The following CACNA2D3 variants were observed in gnomAD, a reference collection of about 807,000 sequenced individuals.
The protein encoded by CACNA2D3 is voltage-dependent calcium channel subunit alpha-2/delta-3.
In CACNA2D3, 60 loss-of-function variants were observed where a neutral mutation model predicts 160.6. That is an observed-to-expected ratio of 0.37 (90% CI 0.30 to 0.46). The LOEUF is 0.46. Among genes scored for constraint, CACNA2D3 ranks in the 20% least tolerant of loss-of-function variants. The pLI, the probability that CACNA2D3 is intolerant of heterozygous loss-of-function variation, is 1.00. For synonymous variants in CACNA2D3, 558 were observed against 492.9 expected, an observed-to-expected ratio of 1.13 and a Z score of -1.75; for missense variants, 1,205 against 1,365.0, an observed-to-expected ratio of 0.88 and a Z score of 1.85.
intron 34 of CACNA2D3, among the ~76,000 whole-genome samples, chr3:55,012,280 C>T (rs1009989431): frequency 5.9e-5 from 9 of 151,900 alleles, no homozygotes; most frequent in South Asian, 2.1e-4. Context: ...GGTGGGTGGG[C>T]GCTCATGCTT....
intron 35 of CACNA2D3, among the ~76,000 whole-genome samples, chr3:55,067,520 T>G (rs1439716300): frequency 6.6e-6 from 1 of 152,232 alleles, no homozygotes; most frequent in African/African-American, 2.4e-5. Context: ...AAAATGGGCT[T>G]GACCCTCACA....
rs1254234186 is a variant in CACNA2D3 at position 54,379,533 on chromosome 3, T to C, written c.322-7182T>C. On this transcript the variant is annotated intron_variant, in intron 3 of 37. Coordinates refer to ENST00000474759, the MANE Select transcript of CACNA2D3 (RefSeq NM_018398.3). ...GGGAAAGGTGTGTTGGCTTTCTTCT[T>C]GTCTAATTGTGTCCATTTCTGCAGG... is the stretch of plus-strand genomic sequence containing the variant. Among the ~76,000 whole-genome samples, 4 of 152,248 alleles carry C rather than the reference T, an allele frequency of 2.6e-5. No homozygotes were observed. The East Asian group carries it at 5.8e-4, about 22-fold the overall frequency.
chr3:54,493,060 CTTTTTTTTTTTTTTTTTTTT>C (rs34225864), intron 4 of CACNA2D3, among the ~76,000 whole-genome samples: 12 of 58,774 alleles, frequency 2.0e-4, no homozygotes, highest in Admixed American at 6.2e-4. Context: ...TTGCTCAAAA[CTTTTTTTTTTTTTTTTTTTT>C]TTTTTTTTTT....
intron 2 of CACNA2D3, among the ~76,000 whole-genome samples, chr3:54,266,072 G>A (rs1427903001): frequency 1.3e-5 from 2 of 152,148 alleles, no homozygotes; most frequent in African/African-American, 2.4e-5. Context: ...ACATTTAAAA[G>A]CAGTGGAAAA....
At chr3:54,817,256 T>C (rs991681663) in intron 14 of CACNA2D3, among the ~76,000 whole-genome samples, 1 of 152,244 alleles carries the variant, frequency 6.6e-6, no homozygotes, top group Non-Finnish European at 1.5e-5. Context: ...TAACCAAGTT[T>C]AAATTTGGGG....
At chr3:54,449,103 T>C (rs1700264871) in intron 4 of CACNA2D3, among the ~76,000 whole-genome samples, 1 of 152,222 alleles carries the variant, frequency 6.6e-6, no homozygotes, top group Admixed American at 6.5e-5. Flanking sequence ...TCTCCAGTTC[T>C]GTAGGTTAGG....
intron 13 of CACNA2D3, among the ~76,000 whole-genome samples, chr3:54,788,334 C>T (rs1702680275): frequency 6.6e-6 from 1 of 152,072 alleles, no homozygotes; most frequent in South Asian, 2.1e-4. Context: ...TCTAATATTC[C>T]TTGCCTGATT....
At chr3:54,384,587 G>A (rs922031009) in intron 3 of CACNA2D3, among the ~76,000 whole-genome samples, 2 of 152,156 alleles carry the variant, frequency 1.3e-5, no homozygotes, top group African/African-American at 4.8e-5. Context: ...AACGCTTGGG[G>A]CCCACTTACC....
At chr3:54,196,828 G>A (rs1181972150) in intron 2 of CACNA2D3, among the ~76,000 whole-genome samples, 1 of 152,148 alleles carries the variant, frequency 6.6e-6, no homozygotes, top group African/African-American at 2.4e-5. Context: ...ATGCAGTTCT[G>A]CTGCCCTGCA....
intron 2 of CACNA2D3, among the ~76,000 whole-genome samples, chr3:54,224,001 A>T (rs1377318440): frequency 3.3e-5 from 5 of 151,948 alleles, no homozygotes; most frequent in African/African-American, 1.2e-4. Context: ...TGTAAAAAAT[A>T]TTTTCCTTTT....
At chr3:54,950,006 A>T (rs1039515313) in intron 27 of CACNA2D3, among the ~76,000 whole-genome samples, 3 of 152,186 alleles carry the variant, frequency 2.0e-5, no homozygotes, top group Non-Finnish European at 4.4e-5. Context: ...GGAAAAGAAA[A>T]AGATTCGTCT....
intron 8 of CACNA2D3, among the ~76,000 whole-genome samples, chr3:54,571,249 G>C (rs1284197021): frequency 6.6e-6 from 1 of 152,078 alleles, no homozygotes; most frequent in Non-Finnish European, 1.5e-5. Context: ...AAGCCTTCAC[G>C]TCCTAGGCTT....
chr3:55,003,605 A>G (rs758436567), intron 31 of CACNA2D3, among the ~76,000 whole-genome samples: 3 of 152,168 alleles, frequency 2.0e-5, no homozygotes, highest in East Asian at 1.9e-4. Context: ...AGGGGGAAAT[A>G]TGGCTACTTG....
At chr3:54,182,522 CTT>C (rs908706931) in intron 2 of CACNA2D3, among the ~76,000 whole-genome samples, 4 of 152,180 alleles carry the variant, frequency 2.6e-5, no homozygotes, top group African/African-American at 9.7e-5. Context: ...GTTGGTAAAA[CTT>C]TGATTCCCAT....
Position 54,642,233 on chromosome 3 carries a change from G to A in CACNA2D3, c.1159G>A (p.Asp387Asn), listed in dbSNP as rs995066835. ...DTIFAKYNWP[D>N]RKVRIFTYLI... ...AATCTTTGCAAAATACAATTGGCCA[G>A]ATCGAAAGGTAAGTTGATGCTGATC... Residue 387 changes from aspartate to asparagine, a missense_variant, in exon 11 of 38, where the codon GAT becomes AAT. Asp to Asn is a conservative substitution (Grantham distance 23, BLOSUM62 1). This residue lies in a region of CACNA2D3 where 911 missense variants were observed against 1,002.2 expected (regional missense o/e 0.91). Transcript: ENST00000474759. The A allele has an allele frequency of 3.1e-6, 5 of 1,605,764 alleles. No homozygotes were observed. In the Admixed American group the frequency reaches 6.7e-5, roughly 22 times the overall value.
intron 2 of CACNA2D3, among the ~76,000 whole-genome samples, chr3:54,298,580 C>G (rs1199339328): frequency 1.3e-5 from 2 of 152,186 alleles, no homozygotes; most frequent in African/African-American, 2.4e-5. Flanking sequence ...GGGTGGATCA[C>G]TTGAGCCTAG....
At chr3:54,771,197 G>C (rs1702315445) in intron 13 of CACNA2D3, among the ~76,000 whole-genome samples, 1 of 152,150 alleles carries the variant, frequency 6.6e-6, no homozygotes, top group South Asian at 2.1e-4. Context: ...ATTGGTGTGT[G>C]AGCAGCTGTG....
chr3:54,468,809 C>T (rs959689515), intron 4 of CACNA2D3, among the ~76,000 whole-genome samples: 1 of 152,174 alleles, frequency 6.6e-6, no homozygotes, highest in Non-Finnish European at 1.5e-5. Flanking sequence ...AACAAAGCTG[C>T]TGGGAAGTTC....
intron 31 of CACNA2D3, 93 bp from the exon 32 acceptor site, chr3:55,004,670 G>A: frequency 2.5e-6 from 2 of 811,306 alleles, no homozygotes; most frequent in Non-Finnish European, 4.2e-6. Context: ...CGTTGCACTT[G>A]ATGATAGTGA....
Sources: allele counts gnomAD v4.1 joint callset (sites outside exome capture counted in the v4.1 genomes callset), GRCh38; gene constraint gnomAD v4.1.1; regional missense constraint gnomAD v4.1.1; transcripts MANE v1.5; gene names NCBI Gene and HGNC (gene_info 2026-07-23, HGNC 2026-07-21).